The following FAM120B variants were observed in gnomAD, a reference collection of about 807,000 sequenced individuals.
FAM120B encodes family with sequence similarity 120 member B.
FAM120B carries 83 observed loss-of-function variants against 96.3 expected under a neutral mutation model. That is an observed-to-expected ratio of 0.86 (90% CI 0.72 to 1.03). The LOEUF is 1.03. Among genes scored for constraint, FAM120B ranks in the 50% least tolerant of loss-of-function variants. The pLI is 0.00. For missense variants in FAM120B, 1,027 were observed against 1,121.2 expected (o/e 0.92, Z 1.20); for synonymous variants, 407 against 402.7 (o/e 1.01, Z -0.13).
intron 4 of FAM120B, among the ~76,000 whole-genome samples, chr6:170,333,482 G>A (rs1786201282): frequency 6.6e-6 from 1 of 151,570 alleles, no homozygotes; most frequent in African/African-American, 2.4e-5. Flanking sequence ...TATTCAGGGA[G>A]CTTATTTACA....
chr6:170,313,836 G>C (rs902761765), intron 1 of FAM120B, among the ~76,000 whole-genome samples: 1 of 152,204 alleles, frequency 6.6e-6, no homozygotes, highest in African/African-American at 2.4e-5. Context: ...CTGGGGGTCT[G>C]TTAAGGTGGT....
In FAM120B at chr6:170,318,890, A is replaced by G; in HGVS notation, c.1500A>G (p.Thr500=). The G allele has an allele frequency of 6.2e-7, 1 of 1,614,260 alleles. No individual in the cohort carries two copies. Among genetic ancestry groups the G allele is most frequent in the South Asian group, 1.1e-5 (1 of 91,092 alleles). Residue 500 remains threonine (T), a synonymous_variant, in exon 2 of 11, where the codon ACA becomes ACG. Transcript: ENST00000476287. ...AATCTAGGCAAGAAATTATGTGTAC[A>G]GGCCATGAATCCAAACAGGAAGTTC... ...DPESRQEIMC[T]GHESKQEVPI...
chr6:170,389,639 A>G (rs920349843), intron 7 of FAM120B, among the ~76,000 whole-genome samples: 4 of 152,012 alleles, frequency 2.6e-5, no homozygotes, highest in Admixed American at 6.6e-5. Context: ...ACTAACTGCA[A>G]ACTTCCACCT....
At chr6:170,376,095 G>T (rs1362832353) in intron 6 of FAM120B, among the ~76,000 whole-genome samples, 1 of 152,148 alleles carries the variant, frequency 6.6e-6, no homozygotes, top group African/African-American at 2.4e-5. Context: ...GGCAGGTCAT[G>T]TTCAGGAAGT....
intron 4 of FAM120B, among the ~76,000 whole-genome samples, chr6:170,337,369 C>G (rs1383716130): frequency 6.6e-6 from 1 of 152,192 alleles, no homozygotes; most frequent in Admixed American, 6.5e-5. Context: ...CTTGGCATCC[C>G]AGGGATGAAG....
intron 5 of FAM120B, among the ~76,000 whole-genome samples, chr6:170,349,754 C>T (rs1241962741): frequency 1.3e-5 from 2 of 152,162 alleles, no homozygotes; most frequent in East Asian, 1.9e-4. Context: ...CGGTCCGTGG[C>T]ACTCACAGAG....
At chr6:170,350,894 A>T (rs1171420874) in intron 5 of FAM120B, among the ~76,000 whole-genome samples, 1 of 152,208 alleles carries the variant, frequency 6.6e-6, no homozygotes, top group Non-Finnish European at 1.5e-5. Context: ...CTCCTCCACG[A>T]CTGCAACACC....
chr6:170,401,147 A>G (rs1778559919), intron 9 of FAM120B, among the ~76,000 whole-genome samples: 1 of 152,208 alleles, frequency 6.6e-6, no homozygotes, highest in Non-Finnish European at 1.5e-5. Flanking sequence ...TGCCAGGGGA[A>G]AGTCTCACTC....
chr6:170,371,804 C>G (rs1789212084), intron 6 of FAM120B, among the ~76,000 whole-genome samples: 1 of 152,166 alleles, frequency 6.6e-6, no homozygotes, highest in South Asian at 2.1e-4. Context: ...AGATGATTGG[C>G]CAGGAGGCTG....
chr6:170,375,287 C>T (rs1789440288), intron 6 of FAM120B, among the ~76,000 whole-genome samples: 2 of 152,346 alleles, frequency 1.3e-5, no homozygotes, highest in South Asian at 2.1e-4. Context: ...CAGGGCCTCA[C>T]AAAGCAAAGG....
intron 2 of FAM120B, among the ~76,000 whole-genome samples, chr6:170,322,841 T>G (rs946282779): frequency 3.9e-5 from 6 of 151,960 alleles, no homozygotes; most frequent in Admixed American, 2.0e-4. Context: ...AGTGAGATAC[T>G]GCAGAAGATA....
chr6:170,312,577 C>T (rs74522052), intron 1 of FAM120B, among the ~76,000 whole-genome samples: 2 of 152,168 alleles, frequency 1.3e-5, no homozygotes, highest in African/African-American at 2.4e-5. Flanking sequence ...TCTCCCACTT[C>T]CCCTGTGACA....
At chr6:170,379,901 A>G (rs1789803911) in intron 6 of FAM120B, among the ~76,000 whole-genome samples, 1 of 152,200 alleles carries the variant, frequency 6.6e-6, no homozygotes, top group Non-Finnish European at 1.5e-5. Context: ...GATTTTCGGT[A>G]TACAGTAGAG....
chr6:170,388,169 C>G, intron 6 of FAM120B, 118 bp from the exon 7 acceptor site: 2 of 807,530 alleles, frequency 2.5e-6, no homozygotes, highest in Non-Finnish European at 4.2e-6. Context: ...TATGGTGATG[C>G]TGTCCAGTTA....
At chr6:170,304,046 C>G (rs1784200014), upstream of FAM120B, among the ~76,000 whole-genome samples, 1 of 152,196 alleles carries the variant, frequency 6.6e-6, no homozygotes, top group South Asian at 2.1e-4. Flanking sequence ...CTCCTCTCTC[C>G]TAAGCTGGGA....
intron 5 of FAM120B, among the ~76,000 whole-genome samples, chr6:170,354,055 T>C (rs1258706750): frequency 6.6e-6 from 1 of 152,180 alleles, no homozygotes; most frequent in African/African-American, 2.4e-5. Flanking sequence ...AACAGCATGG[T>C]ACCCATACAA....
intron 8 of FAM120B, among the ~76,000 whole-genome samples, chr6:170,392,612 A>G (rs1790534938): frequency 6.6e-6 from 1 of 152,188 alleles, no homozygotes; most frequent in Non-Finnish European, 1.5e-5. Context: ...ACCTGTAACT[A>G]CTGCAGTCCC....
intron 4 of FAM120B, among the ~76,000 whole-genome samples, chr6:170,336,386 T>C (rs1170880870): frequency 6.6e-6 from 1 of 152,148 alleles, no homozygotes; most frequent in Non-Finnish European, 1.5e-5. Context: ...CTGAGGCCTT[T>C]GGTCTATATA....
chr6:170,371,940 AT>A (rs1789221763), intron 6 of FAM120B, among the ~76,000 whole-genome samples: 1 of 152,236 alleles, frequency 6.6e-6, no homozygotes, highest in Non-Finnish European at 1.5e-5. Flanking sequence ...CAAGAAATTC[AT>A]CTTTTCTTGC....
Sources: allele counts gnomAD v4.1 joint callset (sites outside exome capture counted in the v4.1 genomes callset), GRCh38; gene constraint gnomAD v4.1.1; transcripts MANE v1.5; gene names NCBI Gene and HGNC (gene_info 2026-07-23, HGNC 2026-07-21).